Variants in STPG2 observed in about 807,000 individuals in gnomAD.
STPG2 encodes sperm-tail PG-rich repeat-containing protein 2.
Under a neutral mutation model 54.2 loss-of-function variants are expected in STPG2, and 56 were observed. That is an observed-to-expected ratio of 1.03 (90% confidence interval 0.83 to 1.29). STPG2 has a LOEUF of 1.29. Ranked by LOEUF, STPG2 falls within the 50% of genes most tolerant of loss-of-function variation. The pLI is 0.00. For synonymous variants in STPG2, 200 were observed against 181.8 expected (o/e 1.10, Z -0.81); for missense variants, 596 against 544.9 (o/e 1.09, Z -0.93).
chr4:97,506,559 TTA>T (rs1730849199), intron 4 of STPG2, among the ~76,000 whole-genome samples: 1 of 151,948 alleles, frequency 6.6e-6, no homozygotes, highest in South Asian at 2.1e-4. Flanking sequence ...GGAAAGTGTT[TTA>T]TATAGTTAAA....
chr4:97,736,771 T>A (rs1011841588), intron 9 of STPG2, among the ~76,000 whole-genome samples: 2 of 152,182 alleles, frequency 1.3e-5, no homozygotes, highest in African/African-American at 4.8e-5. Flanking sequence ...AGGCTCCACT[T>A]CTGGGGCAGG....
chr4:97,867,761 T>C (rs1455801646), intron 8 of STPG2, among the ~76,000 whole-genome samples: 4 of 152,054 alleles, frequency 2.6e-5, no homozygotes, highest in Non-Finnish European at 5.9e-5. Flanking sequence ...TAACATGTGG[T>C]TGATTCTCAT....
At chr4:97,887,875 C>A (rs528907988) in intron 8 of STPG2, among the ~76,000 whole-genome samples, 1 of 152,318 alleles carries the variant, frequency 6.6e-6, no homozygotes, top group East Asian at 1.9e-4. Context: ...GGGCCCACTG[C>A]CCTGTGCAGC....
At chr4:97,827,569 C>T (rs568854457) in intron 9 of STPG2, among the ~76,000 whole-genome samples, 1 of 152,268 alleles carries the variant, frequency 6.6e-6, no homozygotes, top group East Asian at 1.9e-4. Context: ...AAGTATACTC[C>T]TGTGAACCAA....
intron 4 of STPG2, among the ~76,000 whole-genome samples, chr4:97,471,355 T>C (rs1028790715): frequency 1.3e-5 from 2 of 152,152 alleles, no homozygotes; most frequent in Admixed American, 1.3e-4. Context: ...GTTTAAACTG[T>C]GTCAGTTATC....
At chr4:97,900,846 G>A (rs1328669683) in intron 8 of STPG2, among the ~76,000 whole-genome samples, 3 of 151,934 alleles carry the variant, frequency 2.0e-5, no homozygotes, top group African/African-American at 4.8e-5. Flanking sequence ...CCTGGGTAAC[G>A]AAATAATCTT....
At chr4:97,712,335 G>T (rs928084749) in intron 10 of STPG2, among the ~76,000 whole-genome samples, 1 of 152,010 alleles carries the variant, frequency 6.6e-6, no homozygotes, top group Non-Finnish European at 1.5e-5. Flanking sequence ...GATCCACAGG[G>T]CTTTCTTGTG....
intron 4 of STPG2, among the ~76,000 whole-genome samples, chr4:97,450,059 T>G (rs987123995): frequency 6.6e-6 from 1 of 152,202 alleles, no homozygotes; most frequent in Admixed American, 6.5e-5. Context: ...GAATAAAGTT[T>G]GTGGGGTAAT....
intron 5 of STPG2, among the ~76,000 whole-genome samples, chr4:98,073,137 C>CAT (rs1738060193): frequency 6.6e-6 from 1 of 152,014 alleles, no homozygotes; most frequent in African/African-American, 2.4e-5. Flanking sequence ...TGCTATGTTT[C>CAT]ACATAGTTAA....
intron 3 of STPG2, among the ~76,000 whole-genome samples, chr4:98,113,310 C>G (rs557330902): frequency 6.6e-6 from 1 of 152,032 alleles, no homozygotes; most frequent in South Asian, 2.1e-4. Context: ...CCAGGGATGT[C>G]TAGAAATACA....
intron 9 of STPG2, among the ~76,000 whole-genome samples, chr4:97,777,789 A>T (rs1726428792): frequency 6.6e-6 from 1 of 152,206 alleles, no homozygotes; most frequent in Non-Finnish European, 1.5e-5. Context: ...TAGGATAAAA[A>T]TCATTGCTCT....
intron 5 of STPG2, among the ~76,000 whole-genome samples, chr4:97,996,212 C>G (rs938954021): frequency 1.3e-5 from 2 of 152,118 alleles, no homozygotes; most frequent in African/African-American, 4.8e-5. Context: ...CTACAGTAAC[C>G]AAAACAGCAT....
chr4:98,010,936 T>C (rs1475924963), intron 5 of STPG2, among the ~76,000 whole-genome samples: 1 of 152,146 alleles, frequency 6.6e-6, no homozygotes, highest in African/African-American at 2.4e-5. Flanking sequence ...ACATTTTATA[T>C]TATTGATGTT....
At chr4:97,968,381 C>T (rs1734195860) in intron 7 of STPG2, among the ~76,000 whole-genome samples, 1 of 152,142 alleles carries the variant, frequency 6.6e-6, no homozygotes, top group South Asian at 2.1e-4. Flanking sequence ...TGGTACCATT[C>T]CTTCTGAAAC....
chr4:98,140,642 G>A (rs940022144), intron 1 of STPG2, among the ~76,000 whole-genome samples: 10 of 151,900 alleles, frequency 6.6e-5, no homozygotes, highest in African/African-American at 2.4e-4. Context: ...AGACTAATAG[G>A]GAATTTTTAA....
chr4:97,675,293 G>A (rs988985346), intron 10 of STPG2, among the ~76,000 whole-genome samples: 9 of 152,032 alleles, frequency 5.9e-5, no homozygotes, highest in African/African-American at 9.7e-5. Context: ...ATGAGCCACC[G>A]CGCCTGGCCT....
intron 5 of STPG2, among the ~76,000 whole-genome samples, chr4:98,017,631 G>A (rs563797239): frequency 4.6e-5 from 7 of 152,224 alleles, no homozygotes; most frequent in East Asian, 1.9e-4. Flanking sequence ...AAACCTTAGC[G>A]CTTGTGAACA....
At chr4:97,587,904 AT>A (rs1733041719) in intron 10 of STPG2, among the ~76,000 whole-genome samples, 1 of 152,046 alleles carries the variant, frequency 6.6e-6, no homozygotes, top group Non-Finnish European at 1.5e-5. Context: ...GGATCCCTAA[AT>A]AAAAATTAAT....
chr4:97,933,890 A>G (rs1428543141), intron 8 of STPG2, among the ~76,000 whole-genome samples: 4 of 152,166 alleles, frequency 2.6e-5, no homozygotes, highest in Non-Finnish European at 4.4e-5. Context: ...GTTTTTTCTA[A>G]TTCTGTGAAG....
Sources: allele counts gnomAD v4.1 joint callset (sites outside exome capture counted in the v4.1 genomes callset), GRCh38; gene constraint gnomAD v4.1.1; transcripts MANE v1.5; gene names NCBI Gene and HGNC (gene_info 2026-07-23, HGNC 2026-07-21).